Variants in CCDC66 observed in about 807,000 individuals in gnomAD.
CCDC66 encodes the protein coiled-coil domain-containing protein 66.
A neutral mutation model predicts 128.3 loss-of-function variants in CCDC66; 133 were observed. The ratio of observed to expected loss-of-function variants is 1.04; its 90% CI spans 0.90 to 1.20. The LOEUF (loss-of-function observed/expected upper bound fraction) is 1.20, where lower values mean the gene tolerates loss of function less well. Among genes scored for constraint, CCDC66 ranks in the 50% most tolerant of loss-of-function variants. CCDC66 has a pLI of 0.00. For missense variants in CCDC66, 1,126 were observed against 1,075.5 expected (o/e 1.05, Z -0.66); for synonymous variants, 387 against 357.0 (o/e 1.08, Z -0.95).
chr3:56,619,758 T>TA lies in CCDC66; in HGVS notation c.2636-18dup. The TA allele has an allele frequency of 6.2e-7, 1 of 1,612,686 alleles. No homozygotes were observed. On this transcript the variant is annotated intron_variant, in intron 16 of 17. Coordinates refer to ENST00000394672, the MANE Select transcript of CCDC66 (RefSeq NM_001141947.3). ...TTACTAATGTAATTGACTGACTTGT[T>TA]ACTTTCATCTGGCTTTAGACTGTGG...
At chr3:56,576,997 C>T (rs1466686118) in intron 7 of CCDC66, among the ~76,000 whole-genome samples, 1 of 151,894 alleles carries the variant, frequency 6.6e-6, no homozygotes, top group Non-Finnish European at 1.5e-5. Flanking sequence ...AATTGCCACA[C>T]TGTCTTCTAC....
chr3:56,575,441 G>A (rs9842283), intron 7 of CCDC66, among the ~76,000 whole-genome samples: 1 of 151,272 alleles, frequency 6.6e-6, no homozygotes, highest in Admixed American at 6.7e-5. Flanking sequence ...TTTTTTGGGG[G>A]TTTTTTTGTT....
intron 7 of CCDC66, among the ~76,000 whole-genome samples, chr3:56,573,391 C>T (rs1194163190): frequency 1.3e-5 from 2 of 152,178 alleles, no homozygotes; most frequent in African/African-American, 4.8e-5. Context: ...GCATAGCCTT[C>T]GGCCAACCAG....
intron 10 of CCDC66, among the ~76,000 whole-genome samples, chr3:56,611,630 A>T (rs1438021384): frequency 7.2e-6 from 1 of 139,302 alleles, no homozygotes; most frequent in East Asian, 2.2e-4. Context: ...TACAAAGTTC[A>T]TCTAGAGAAG....
chr3:56,571,394 T>G, intron 7 of CCDC66, 92 bp downstream of exon 7: 1 of 917,706 alleles, frequency 1.1e-6, no homozygotes, highest in East Asian at 3.4e-5. Context: ...AAAAGTTTTT[T>G]TTTTGAGACG....
intron 14 of CCDC66, 94 bp from the exon 15 acceptor site, chr3:56,618,078 C>G: frequency 1.0e-6 from 1 of 981,060 alleles, no homozygotes; most frequent in Non-Finnish European, 1.6e-6. Flanking sequence ...AAATATTACC[C>G]TCAGACTATT....
At chr3:56,567,538 G>T (rs1266393131) in intron 6 of CCDC66, among the ~76,000 whole-genome samples, 2 of 152,168 alleles carry the variant, frequency 1.3e-5, no homozygotes, top group Non-Finnish European at 2.9e-5. Context: ...ATGCATGGAA[G>T]TTTTACAAAA....
At chr3:56,599,949 G>C (rs2072853015) in intron 10 of CCDC66, among the ~76,000 whole-genome samples, 1 of 152,012 alleles carries the variant, frequency 6.6e-6, no homozygotes, top group Non-Finnish European at 1.5e-5. Flanking sequence ...TTCTGTTCTT[G>C]TGTTAGTTTG....
chr3:56,559,261 G>A (rs778978236), intron 2 of CCDC66, among the ~76,000 whole-genome samples: 1 of 152,050 alleles, frequency 6.6e-6, no homozygotes, highest in Non-Finnish European at 1.5e-5. Context: ...TTTATAGTAA[G>A]ACCACCGTAA....
chr3:56,599,544 C>G (rs1379737479), intron 10 of CCDC66, among the ~76,000 whole-genome samples: 1 of 152,006 alleles, frequency 6.6e-6, no homozygotes, highest in Admixed American at 6.6e-5. Flanking sequence ...AAATTTCCCT[C>G]TTAGCACTGC....
chr3:56,559,835 G>C (rs937320220), intron 3 of CCDC66, among the ~76,000 whole-genome samples: 5 of 152,160 alleles, frequency 3.3e-5, no homozygotes, highest in African/African-American at 1.2e-4. Context: ...CTGTGTTAAT[G>C]GAAGTGTTCA....
Position 56,607,747 on chromosome 3 carries a change from C to A in CCDC66, c.1405-5842C>A, listed in dbSNP as rs549953552. Reference sequence around the variant, plus strand: ...TCAGAGGGAATGCTTTCAACTTTTCCCCATTCAGTATTATGTTGGCTGTGG... The same window carrying A: ...TCAGAGGGAATGCTTTCAACTTTTCACCATTCAGTATTATGTTGGCTGTGG... On this transcript the variant is annotated intron_variant, in intron 10 of 17. Transcript: ENST00000394672. 8.5e-5 allele frequency among the ~76,000 whole-genome samples: 13 copies of A among 152,168 alleles called. No homozygotes were observed. In the South Asian group the frequency reaches 2.1e-3, roughly 24 times the overall value.
chr3:56,583,989 C>G (rs1302946007), intron 7 of CCDC66, among the ~76,000 whole-genome samples: 2 of 136,450 alleles, frequency 1.5e-5, no homozygotes, highest in Non-Finnish European at 3.2e-5. Flanking sequence ...CACCTCCCTC[C>G]CGGACGGGGC....
chr3:56,566,213 C>T (rs749019386), intron 4 of CCDC66, among the ~76,000 whole-genome samples: 2 of 152,126 alleles, frequency 1.3e-5, no homozygotes, highest in Non-Finnish European at 2.9e-5. Context: ...AAACCTCCAC[C>T]TCTTGGGCTC....
chr3:56,558,895 A>C lies in CCDC66; in HGVS notation c.61A>C (p.Ile21Leu). 6.5e-7 allele frequency: 1 copy of C among 1,547,926 alleles called. No individual in the cohort carries two copies. Among genetic ancestry groups the C allele is most frequent in the Non-Finnish European group, 8.7e-7 (1 of 1,144,240 alleles). ...TELLDGKTKL[I>L]LSPYEHKSKI... ...ATTACTGGATGGAAAAACCAAGCTA[A>C]TATTGTCTCCATATGGTATGTTGTG... Residue 21 changes from isoleucine to leucine, a missense_variant, in exon 2 of 18, where the codon ATA (isoleucine) becomes CTA (leucine). Physicochemically the swap from Ile to Leu is conservative, Grantham distance 5. Coordinates refer to ENST00000394672, the MANE Select transcript of CCDC66 (RefSeq NM_001141947.3).
At chr3:56,581,362 T>TGG (rs2068337461) in intron 7 of CCDC66, among the ~76,000 whole-genome samples, 4 of 151,842 alleles carry the variant, frequency 2.6e-5, no homozygotes, top group Admixed American at 6.6e-5. Flanking sequence ...CATCCTCCTT[T>TGG]AGCTTGGAGA....
chr3:56,617,451 A>G lies in CCDC66; in HGVS notation c.2183A>G (p.Glu728Gly). The G allele has an allele frequency of 6.2e-7, 1 of 1,614,044 alleles. No individual in the cohort carries two copies. Among genetic ancestry groups the G allele is most frequent in the South Asian group, 1.1e-5 (1 of 91,072 alleles). Residue 728 changes from glutamate (E) to glycine (G), a missense_variant, in exon 14 of 18, where the codon GAA becomes GGA. By Grantham distance (98) the Glu-to-Gly change is moderately conservative. Coordinates refer to ENST00000394672, the MANE Select transcript of CCDC66 (RefSeq NM_001141947.3). ...KYPKQLQKQR[E>G]EKKVRRQMEL... Reference sequence around the variant, plus strand: ...CCTAAACAGCTTCAAAAGCAGAGAGAAGAAAAAAAAGTAAGGAGGCAGATG... The same window carrying G: ...CCTAAACAGCTTCAAAAGCAGAGAGGAGAAAAAAAAGTAAGGAGGCAGATG...
At chr3:56,583,643 A>G (rs2106732433) in intron 7 of CCDC66, among the ~76,000 whole-genome samples, 1 of 152,036 alleles carries the variant, frequency 6.6e-6, no homozygotes, top group South Asian at 2.1e-4. Flanking sequence ...CAGCATCCCA[A>G]GGCAGAAGAA....
In CCDC66 at chr3:56,566,699, A is replaced by G. The variant is rs2065905315; in HGVS notation, c.650A>G (p.Asn217Ser). The G allele has an allele frequency of 6.2e-7, 1 of 1,613,804 alleles. No individual in the cohort carries two copies. Among genetic ancestry groups the G allele is most frequent in the Admixed American group, 1.7e-5 (1 of 60,002 alleles). ...TEMVSSVPAENKSVLNEHQET... is the reference protein window; with the variant it reads ...TEMVSSVPAESKSVLNEHQET... ...ATGGTTTCATCTGTCCCAGCTGAAA[A>G]TAAATCTGTCTTAAATGAACATCAG... Residue 217 changes from asparagine to serine, a missense_variant, in exon 5 of 18, where the codon AAT becomes AGT. Transcript: ENST00000394672.
Sources: gnomAD v4.1 joint callset for allele counts (sites outside exome capture counted in the v4.1 genomes callset) on GRCh38, gnomAD v4.1.1 for gene constraint, MANE v1.5 for transcripts, NCBI Gene and HGNC (gene_info 2026-07-23, HGNC 2026-07-21) for gene names.